ANKUB1: variants seen among roughly 807,000 people sequenced by gnomAD.
ANKUB1 encodes protein ANKUB1.
A neutral mutation model predicts 49.3 loss-of-function variants in ANKUB1; 42 were observed. The ratio of observed to expected loss-of-function variants is 0.85; its 90% CI spans 0.67 to 1.10. The LOEUF (loss-of-function observed/expected upper bound fraction) is 1.10, where lower values mean the gene tolerates loss of function less well. ANKUB1 is among the 50% of genes least tolerant of loss of function. ANKUB1 has a pLI of 0.00. For synonymous variants in ANKUB1, 222 were observed against 231.0 expected, an observed-to-expected ratio of 0.96 and a Z score of 0.35; for missense variants, 613 against 642.0, an observed-to-expected ratio of 0.95 and a Z score of 0.49.
chr3:149,768,137 C>T, intron 4 of ANKUB1, 42 bp from the exon 5 acceptor site: 4 of 1,264,350 alleles, frequency 3.2e-6, no homozygotes, highest in Non-Finnish European at 4.1e-6. Flanking sequence ...TTTAGAAAAT[C>T]AGCAAACAGA....
rs1182592085 is a variant in ANKUB1 at position 149,767,975 on chromosome 3, T to C, written c.687A>G (p.Ala229=). The change falls in exon 5 of 6, where the codon GCA becomes GCG. Residue 229 remains alanine (A), a synonymous_variant. Transcript: ENST00000446160. ...CTGCATGAAGGGCTTCATGGCACCA[T>C]GCTCGATAGGGGTGAACACCGACTG... ...HEAVGVHPYR[A]WCHEALHADV... 3.2e-6 allele frequency: 5 copies of C among 1,538,626 alleles called. No individual in the cohort carries two copies. The highest frequency in any genetic ancestry group is 1.4e-5 in the African/African-American group (1 of 72,830).
At chr3:149,778,905 A>C (rs1717725560) in intron 3 of ANKUB1, 1 of 152,196 alleles carries the variant, frequency 6.6e-6, no homozygotes, top group African/African-American at 2.4e-5. Flanking sequence ...GGAGAACTCA[A>C]ATTTCATTGC....
intron 5 of ANKUB1, chr3:149,764,139 C>T (rs1279143414): frequency 2.4e-6 from 1 of 420,176 alleles, no homozygotes; most frequent in East Asian, 7.1e-5. Flanking sequence ...TCCATCCATT[C>T]CTCATGTTTG....
intron 5 of ANKUB1, among the ~76,000 whole-genome samples, chr3:149,764,773 A>G (rs1165620058): frequency 6.8e-6 from 1 of 146,712 alleles, no homozygotes; most frequent in Non-Finnish European, 1.5e-5. Context: ...ACAGAATAAC[A>G]CTTTAACAAA....
chr3:149,780,127 CAG>C (rs1276758168), intron 3 of ANKUB1, 110 bp downstream of exon 3: 2 of 819,224 alleles, frequency 2.4e-6, no homozygotes, highest in African/African-American at 3.5e-5. Flanking sequence ...ATAAAGTTAA[CAG>C]ATTGTATATG....
At chr3:149,778,993 G>A (rs372409504) in intron 3 of ANKUB1, 18 of 152,208 alleles carry the variant, frequency 1.2e-4, no homozygotes, top group East Asian at 1.2e-3. Context: ...TTTCTATAAG[G>A]TTCTAACCAT....
intron 5 of ANKUB1, among the ~76,000 whole-genome samples, chr3:149,762,617 C>A (rs913780084): frequency 1.3e-5 from 2 of 152,078 alleles, no homozygotes; most frequent in African/African-American, 4.8e-5. Flanking sequence ...ATAGTCTTTC[C>A]ACATCTTTCC....
Position 149,764,598 on chromosome 3 carries a change from T to TCCTC in ANKUB1, c.1505+2555_1505+2558dup, listed in dbSNP as rs1346834910. ...TCCCTCCCTCCCTCCCTCCCTTCCT[T>TCCTC]CCTCCCTCCCTCCCTCCTCTCCTCC... On this transcript the variant is annotated intron_variant, in intron 5 of 5. Transcript: ENST00000446160. 4.3e-4 allele frequency among the ~76,000 whole-genome samples: 51 copies of TCCTC among 117,804 alleles called. 2 individuals are homozygous for TCCTC. The South Asian group carries it at 0.016, about 38-fold the overall frequency. The allele number at this position is 117,804 out of a possible 152,430, so 77.3% of individuals were successfully genotyped here.
intron 2 of ANKUB1, among the ~76,000 whole-genome samples, chr3:149,784,713 T>A (rs1718019372): frequency 6.6e-6 from 1 of 152,188 alleles, no homozygotes; most frequent in Admixed American, 6.5e-5. Context: ...AGAACCATGA[T>A]GTTGGTCAGG....
intron 3 of ANKUB1, among the ~76,000 whole-genome samples, chr3:149,775,229 A>G (rs1454280235): frequency 1.1e-4 from 16 of 152,178 alleles, no homozygotes; most frequent in Non-Finnish European, 1.8e-4. Context: ...CCGGGAGTCA[A>G]CACATGCCTA....
rs777387439 is a variant in ANKUB1, at chr3:149,767,904, A to C, written c.758T>G (p.Leu253Arg). ...GTTGACAAAGGCCTTCAGAATCAAC[A>C]GTTGGCCTGCTTCTGCGGCTGCATG... The part of the protein sequence containing the change: ...PIHAAAEAGQ[L>R]LILKAFVNYS... The change falls in exon 5 of 6, where the codon CTG (leucine) becomes CGG (arginine). Residue 253 changes from leucine to arginine, a missense_variant. Transcript: ENST00000446160. The C allele has an allele frequency of 1.9e-6, 3 of 1,551,182 alleles. No individual in the cohort carries two copies. The highest frequency in any genetic ancestry group is 2.6e-6 in the Non-Finnish European group (3 of 1,146,530).
At chr3:149,764,606 CCCTCCCTCCTCTCCTCCCTT>C (rs1559860505) in intron 5 of ANKUB1, among the ~76,000 whole-genome samples, 1 of 37,602 alleles carries the variant, frequency 2.7e-5, no homozygotes, top group Non-Finnish European at 5.4e-5. Context: ...CTTCCTCCCT[CCCTCCCTCCTCTCCTCCCTT>C]CCTCCCTTCC....
At chr3:149,791,270 A>G (rs1201928399) in intron 1 of ANKUB1, among the ~76,000 whole-genome samples, 1 of 152,224 alleles carries the variant, frequency 6.6e-6, no homozygotes, top group Non-Finnish European at 1.5e-5. Flanking sequence ...AGTTGTTGCA[A>G]ATATTTCAAA....
chr3:149,770,545 A>G lies in ANKUB1; in HGVS notation c.566+15T>C. ...ACAGCACTTGCTAAGTTAATTTAAAATTAATTTCTCATACTTGAGTACTGG... is the reference window on the plus strand; with the variant it reads ...ACAGCACTTGCTAAGTTAATTTAAAGTTAATTTCTCATACTTGAGTACTGG... On this transcript the variant is annotated intron_variant, in intron 4 of 5. Transcript: ENST00000446160. 3 of 1,514,728 alleles carry G rather than the reference A, an allele frequency of 2.0e-6. No homozygotes were observed. Among genetic ancestry groups the G allele is most frequent in the South Asian group, 1.2e-5 (1 of 81,560 alleles). The allele number at this position is 1,514,728 out of a possible 1,614,324, so 93.8% of individuals were successfully genotyped here. A position where few individuals can be genotyped will look rare whatever the true frequency, so the allele number is the denominator to read the frequency against.
In ANKUB1 at chr3:149,761,288, C is replaced by G. The variant is rs555709322; in HGVS notation, c.*196G>C. The G allele has an allele frequency of 3.7e-6, 2 of 543,304 alleles. No homozygotes were observed. Among genetic ancestry groups the G allele is most frequent in the African/African-American group, 1.9e-5 (1 of 52,416 alleles). 33.7% of individuals were successfully genotyped at this position (543,304 alleles called of 1,614,324 possible). A position where few individuals can be genotyped will look rare whatever the true frequency, so the allele number is the denominator to read the frequency against. The stretch of plus-strand genomic sequence containing the variant: ...TGAATTCTTCCTCATATTCTTTATG[C>G]AAAAATAGCACTAAAGTTTCACTTA... On this transcript the variant is annotated 3_prime_UTR_variant, in exon 6 of 6. Coordinates refer to ENST00000446160, the MANE Select transcript of ANKUB1 (RefSeq NM_001144960.3).
Position 149,780,326 on chromosome 3 carries a change from G to T in ANKUB1, c.364C>A (p.Leu122Ile). ...CGGAGACAGTAGACACTCACGGGGA[G>T]GCCACATCTCAGAGTTACCAGTGTT... is the stretch of plus-strand genomic sequence containing the variant. ...LRTLVTLRCGLPVSVYCLRTP... is the reference protein window; with the variant it reads ...LRTLVTLRCGIPVSVYCLRTP... The change falls in exon 3 of 6, where the codon CTC becomes ATC. Residue 122 changes from leucine (L) to isoleucine (I), a missense_variant. Leu to Ile is a conservative substitution (Grantham distance 5, BLOSUM62 2). Transcript: ENST00000446160. 6.4e-7 allele frequency: 1 copy of T among 1,551,806 alleles called. No homozygotes were observed. The highest frequency in any genetic ancestry group is 2.4e-5 in the East Asian group (1 of 40,922).
intron 3 of ANKUB1, chr3:149,779,227 T>C (rs1441174046): frequency 1.3e-5 from 2 of 149,806 alleles, no homozygotes; most frequent in Non-Finnish European, 3.0e-5. Flanking sequence ...CAGGCTGGAG[T>C]GCAGTGGTGT....
chr3:149,784,625 C>T (rs1289582963), intron 2 of ANKUB1, among the ~76,000 whole-genome samples: 1 of 152,182 alleles, frequency 6.6e-6, no homozygotes, highest in African/African-American at 2.4e-5. Context: ...CTCCAATCTT[C>T]CGAAAACTAC....
intron 3 of ANKUB1, among the ~76,000 whole-genome samples, chr3:149,773,946 G>A (rs1717472408): frequency 1.3e-5 from 2 of 152,116 alleles, no homozygotes; most frequent in South Asian, 4.1e-4. Flanking sequence ...AGGATTGCTT[G>A]AGGCCAGGAG....
Sources: allele counts gnomAD v4.1 joint callset (sites outside exome capture counted in the v4.1 genomes callset), GRCh38; gene constraint gnomAD v4.1.1; transcripts MANE v1.5; gene names NCBI Gene and HGNC (gene_info 2026-07-23, HGNC 2026-07-21).